CFAP251: variants seen among roughly 807,000 people sequenced by gnomAD.
The protein encoded by CFAP251 is cilia and flagella associated protein 251.
Under a neutral mutation model 126.7 loss-of-function variants are expected in CFAP251, and 93 were observed. The observed-to-expected ratio is 0.73, with a 90% CI of 0.62 to 0.87. The LOEUF (loss-of-function observed/expected upper bound fraction) is 0.87, where lower values mean the gene tolerates loss of function less well. Among genes scored for constraint, CFAP251 ranks in the 40% least tolerant of loss-of-function variants. The probability of loss-of-function intolerance (pLI) is 0.00; values close to 1 mark genes in which losing one functional copy is unlikely to be tolerated. For missense variants in CFAP251, 1,287 were observed against 1,389.2 expected (o/e 0.93, Z 1.17); for synonymous variants, 503 against 506.9 (o/e 0.99, Z 0.10).
At chr12:121,946,258 G>A (rs1386846800) in intron 7 of CFAP251, among the ~76,000 whole-genome samples, 1 of 152,188 alleles carries the variant, frequency 6.6e-6, no homozygotes, top group Non-Finnish European at 1.5e-5. Context: ...TTGAATAGTA[G>A]TGCATTGAAT....
At chr12:121,968,317 C>T (rs1882220240) in intron 17 of CFAP251, 148 bp downstream of exon 17, 1 of 703,622 alleles carries the variant, frequency 1.4e-6, no homozygotes, top group South Asian at 2.4e-5. Context: ...TGGCATTGCT[C>T]ACATTACTCT....
chr12:121,962,187 C>T (rs758622901), intron 15 of CFAP251, 25 bp downstream of exon 15: 2 of 1,604,966 alleles, frequency 1.2e-6, no homozygotes, highest in Admixed American at 3.4e-5. Flanking sequence ...CTTCCCATTG[C>T]AGGGGGCGTG....
chr12:121,991,951 C>G (rs1882885186), intron 19 of CFAP251, among the ~76,000 whole-genome samples: 1 of 152,042 alleles, frequency 6.6e-6, no homozygotes, highest in Non-Finnish European at 1.5e-5. Context: ...CGAGATCACG[C>G]CACTGGACTC....
intron 19 of CFAP251, among the ~76,000 whole-genome samples, chr12:121,994,302 T>C (rs1185641): frequency 2.9e-4 from 8 of 27,612 alleles, no homozygotes; most frequent in Admixed American, 6.0e-4. Context: ...GCCCCCCCGC[T>C]CGGCCAGCCG....
chr12:122,001,468 C>T (rs752167479), intron 20 of CFAP251, 29 bp from the exon 21 acceptor site: 1 of 1,577,448 alleles, frequency 6.3e-7, no homozygotes, highest in East Asian at 2.2e-5. Context: ...AAGAGTTAAA[C>T]AATCACCTTC....
intron 15 of CFAP251, among the ~76,000 whole-genome samples, chr12:121,965,810 T>C (rs1882099195): frequency 3.0e-5 from 1 of 33,448 alleles, no homozygotes; most frequent in Non-Finnish European, 6.2e-5. Context: ...ATTTTCTCCT[T>C]CTTCTTCTTC....
chr12:121,942,949 G>C lies in CFAP251; in HGVS notation c.1165G>C (p.Glu389Gln). 6.2e-7 allele frequency: 1 copy of C among 1,614,112 alleles called. No individual in the cohort carries two copies. The highest frequency in any genetic ancestry group is 8.5e-7 in the Non-Finnish European group (1 of 1,180,026). ...LAVETPACTL[E>Q]LPTEYGVQNY... The stretch of plus-strand genomic sequence containing the variant: ...AGTGGAAACGCCAGCATGCACTCTC[G>C]AACTCCCCACAGAGTACGGTGTTCA... The change falls in exon 7 of 22, where the codon GAA becomes CAA. Residue 389 changes from glutamate (E) to glutamine (Q), a missense_variant. Glu to Gln is a conservative substitution (Grantham distance 29). Transcript: ENST00000288912.
chr12:121,941,436 C>T lies in CFAP251; in HGVS notation c.999-1098C>T, dbSNP rs141741507. ...GCAGCCTCAACCTCCTGGACTCAAG[C>T]GATACTCCCACCTCAGCCTCCCAAG... On this transcript the variant is annotated intron_variant, in intron 5 of 21. Transcript: ENST00000288912. Among the ~76,000 whole-genome samples, 119 of 146,582 alleles carry T rather than the reference C, an allele frequency of 8.1e-4. 1 individual carries two copies. In the South Asian group the frequency reaches 8.8e-3, roughly 11 times the overall value.
At chr12:121,928,543 A>G (rs1450585057) in intron 3 of CFAP251, among the ~76,000 whole-genome samples, 1 of 150,794 alleles carries the variant, frequency 6.6e-6, no homozygotes, top group Non-Finnish European at 1.5e-5. Context: ...AATTTAATTC[A>G]CTGATTCTTA....
chr12:121,964,954 T>C (rs767864419), intron 15 of CFAP251, among the ~76,000 whole-genome samples: 6 of 152,160 alleles, frequency 3.9e-5, no homozygotes, highest in Non-Finnish European at 8.8e-5. Context: ...CCATGGCATT[T>C]AGTACTCATG....
Position 121,979,609 on chromosome 12 carries a change from G to A in CFAP251, c.3006+3924G>A, listed in dbSNP as rs140447263. ...AGACAGCATCTTGCTCTGTCACGCAGGCTGGAGTGCAGTGGTGTGATCTCA... is the reference window on the plus strand; with the variant it reads ...AGACAGCATCTTGCTCTGTCACGCAAGCTGGAGTGCAGTGGTGTGATCTCA... On this transcript the variant is annotated intron_variant, in intron 19 of 21. Transcript: ENST00000288912. 4.0e-5 allele frequency among the ~76,000 whole-genome samples: 5 copies of A among 124,168 alleles called. No homozygotes were observed. The South Asian group carries it at 1.3e-3, about 32-fold the overall frequency. The allele number at this position is 124,168 out of a possible 152,430, so 81.5% of individuals were successfully genotyped here.
In CFAP251 at chr12:121,982,566, C is replaced by T. The variant is rs896350833; in HGVS notation, c.3006+6881C>T. ...GCTAATTTTGTATTTTTAGTAGAGA[C>T]GGGGTTTCTCCATGTTGGTCAGGCT... On this transcript the variant is annotated intron_variant, in intron 19 of 21. Transcript: ENST00000288912. 1.3e-5 allele frequency among the ~76,000 whole-genome samples: 2 copies of T among 151,996 alleles called. 1 individual carries two copies. The highest frequency in any genetic ancestry group is 4.2e-4 in the South Asian group (2 of 4,818).
Position 122,003,832 on chromosome 12 carries a change from ATGAGGCAC to A in CFAP251, c.*71_*78del. ...GTGCATGCACATGTGTGTGTTTTCC[ATGAGGCAC>A]TGCTTTTTATGCATTTCCCTCCCCC... On this transcript the variant is annotated 3_prime_UTR_variant, in exon 22 of 22. Coordinates refer to ENST00000288912, the MANE Select transcript of CFAP251 (RefSeq NM_144668.6). The A allele has an allele frequency of 8.3e-7, 1 of 1,208,030 alleles. No homozygotes were observed. Among genetic ancestry groups the A allele is most frequent in the South Asian group, 1.6e-5 (1 of 64,512 alleles). 74.8% of individuals were successfully genotyped at this position (1,208,030 alleles called of 1,614,324 possible).
chr12:121,975,137 C>A, intron 17 of CFAP251, 107 bp from the exon 18 acceptor site: 1 of 822,632 alleles, frequency 1.2e-6, no homozygotes, highest in Non-Finnish European at 2.0e-6. Flanking sequence ...CTAACTGTAT[C>A]TGTGCTGTGA....
At chr12:121,942,089 ATTG>A (rs1010913052) in intron 5 of CFAP251, among the ~76,000 whole-genome samples, 1 of 152,172 alleles carries the variant, frequency 6.6e-6, no homozygotes, top group Non-Finnish European at 1.5e-5. Flanking sequence ...CTTGACTATT[ATTG>A]TTGTTGAGGT....
chr12:121,967,198 A>G (rs868564797), intron 16 of CFAP251, 129 bp downstream of exon 16: 6 of 770,360 alleles, frequency 7.8e-6, no homozygotes, highest in Admixed American at 4.7e-5. Context: ...CACCCCAGTC[A>G]GCTGTGATAC....
intron 15 of CFAP251, among the ~76,000 whole-genome samples, chr12:121,963,575 G>A (rs578166601): frequency 6.6e-6 from 1 of 150,908 alleles, no homozygotes; most frequent in East Asian, 2.0e-4. Flanking sequence ...GGCATCTGCA[G>A]CCCAGCATCC....
At position 121,920,691 on chromosome 12, in the gene CFAP251, C is replaced by T. The variant is rs78330340; in HGVS notation, c.-20-595C>T. ...GATTACAGGCGTGAGCCACCACGCCCGGCCAACTTTTTGTATTTTTAGTAG... is the reference window on the plus strand; with the variant it reads ...GATTACAGGCGTGAGCCACCACGCCTGGCCAACTTTTTGTATTTTTAGTAG... On this transcript the variant is annotated intron_variant, in intron 1 of 21. Coordinates refer to ENST00000288912, the MANE Select transcript of CFAP251 (RefSeq NM_144668.6). Among the ~76,000 whole-genome samples, 21 of 151,818 alleles carry T rather than the reference C, an allele frequency of 1.4e-4. 1 individual carries two copies. In the East Asian group the frequency reaches 3.7e-3, roughly 27 times the overall value.
Position 121,962,058 on chromosome 12 carries a change from C to A in CFAP251, c.2388C>A (p.Pro796=). 6.2e-7 allele frequency: 1 copy of A among 1,614,054 alleles called. No homozygotes were observed. Among genetic ancestry groups the A allele is most frequent in the Non-Finnish European group, 8.5e-7 (1 of 1,180,030 alleles). Residue 796 remains proline, a synonymous_variant, in exon 15 of 22, where the codon CCC becomes CCA. Coordinates refer to ENST00000288912, the MANE Select transcript of CFAP251 (RefSeq NM_144668.6). The part of the protein sequence containing the change: ...DIHHTDQGCY[P]TCMVWYPPLT... Reference sequence around the variant, plus strand: ...ACCACACCGACCAGGGCTGCTATCCCACCTGCATGGTCTGGTACCCACCAC... The same window carrying A: ...ACCACACCGACCAGGGCTGCTATCCAACCTGCATGGTCTGGTACCCACCAC...
Sources: allele counts gnomAD v4.1 joint callset (sites outside exome capture counted in the v4.1 genomes callset), GRCh38; gene constraint gnomAD v4.1.1; transcripts MANE v1.5; gene names NCBI Gene and HGNC (gene_info 2026-07-23, HGNC 2026-07-21).